Variants in KIF1A observed in about 807,000 individuals in gnomAD.
The protein encoded by KIF1A is kinesin family member 1A, also known as kinesin-like protein KIF1A.
A neutral mutation model predicts 227.3 loss-of-function variants in KIF1A; 46 were observed. The ratio of observed to expected loss-of-function variants is 0.20; its 90% confidence interval spans 0.16 to 0.26. KIF1A has a LOEUF of 0.26. Among genes scored for constraint, KIF1A ranks in the 10% least tolerant of loss-of-function variants. The pLI, the probability that KIF1A is intolerant of heterozygous loss-of-function variation, is 1.00. For missense variants in KIF1A, 1,683 were observed against 2,485.9 expected, an observed-to-expected ratio of 0.68 and a Z score of 6.87; for synonymous variants, 1,022 against 1,012.8, an observed-to-expected ratio of 1.01 and a Z score of -0.17.
chr2:240,729,610 G>A (rs1010725255), intron 38 of KIF1A, among the ~76,000 whole-genome samples: 2 of 152,376 alleles, frequency 1.3e-5, no homozygotes, highest in East Asian at 1.9e-4. Context: ...AGCCAGGCCT[G>A]GAGCTGTAAG....
At chr2:240,816,002 G>C (rs1034272993) in intron 1 of KIF1A, among the ~76,000 whole-genome samples, 2 of 152,178 alleles carry the variant, frequency 1.3e-5, no homozygotes, top group African/African-American at 4.8e-5. Flanking sequence ...TGGTTGTGGA[G>C]GGGGTGCCAA....
rs1476096785 is a variant in KIF1A at position 240,810,066 on chromosome 2, G to A, written c.-61+10056C>T. 2.6e-5 allele frequency among the ~76,000 whole-genome samples: 4 copies of A among 151,936 alleles called. No individual in the cohort carries two copies. The South Asian group carries it at 6.3e-4, about 24-fold the overall frequency. On this transcript the variant is annotated intron_variant, in intron 1 of 48. Transcript: ENST00000498729. ...TGGCCTCAAGTGATCCACCCACCTC[G>A]GCCTCCCAAAGCGCTGGAATTACAG...
chr2:240,722,782 A>G (rs2045560943), intron 42 of KIF1A, 126 bp from the exon 43 acceptor site: 1 of 710,432 alleles, frequency 1.4e-6, no homozygotes, highest in African/African-American at 1.8e-5. Context: ...CTGGGCTAAG[A>G]CTGAAGACTG....
intron 28 of KIF1A, chr2:240,748,548 G>C (rs1237518044): frequency 1.1e-5 from 2 of 180,008 alleles, no homozygotes; most frequent in East Asian, 1.9e-4. Context: ...GGAGCTGCTG[G>C]CACAAGGCAG....
intron 1 of KIF1A, among the ~76,000 whole-genome samples, chr2:240,809,275 A>G (rs2057677409): frequency 6.6e-6 from 1 of 152,210 alleles, no homozygotes; most frequent in Admixed American, 6.5e-5. Context: ...AACATCAATA[A>G]CAAGTCTGAA....
At chr2:240,773,495 G>A (rs534965065) in intron 12 of KIF1A, among the ~76,000 whole-genome samples, 3 of 152,306 alleles carry the variant, frequency 2.0e-5, no homozygotes, top group South Asian at 2.1e-4. Flanking sequence ...CCCAGTTCCC[G>A]CTCGCCCACT....
chr2:240,746,931 G>A (rs1209993959), intron 29 of KIF1A, among the ~76,000 whole-genome samples: 2 of 152,196 alleles, frequency 1.3e-5, no homozygotes, highest in African/African-American at 4.8e-5. Flanking sequence ...AGACAGGGTG[G>A]GGGTGGCTGC....
At chr2:240,811,540 CG>C (rs113374571) in intron 1 of KIF1A, among the ~76,000 whole-genome samples, 11,221 of 151,978 alleles carry the variant, frequency 0.074, 570 homozygotes, top group East Asian at 0.14. Flanking sequence ...CCTGAGAAGG[CG>C]GGGGGTTGCG....
chr2:240,731,523 C>T (rs1229592030), intron 38 of KIF1A, among the ~76,000 whole-genome samples: 2 of 152,226 alleles, frequency 1.3e-5, no homozygotes, highest in African/African-American at 4.8e-5. Flanking sequence ...CTCCCCACCA[C>T]CTCCACCAGA....
At chr2:240,772,201 G>C (rs1290679144) in intron 14 of KIF1A, among the ~76,000 whole-genome samples, 2 of 152,210 alleles carry the variant, frequency 1.3e-5, no homozygotes, top group Non-Finnish European at 2.9e-5. Context: ...CAGCCCTCCT[G>C]GCCCTTTGGT....
At chr2:240,750,033 G>C (rs988841272) in intron 28 of KIF1A, among the ~76,000 whole-genome samples, 1 of 152,266 alleles carries the variant, frequency 6.6e-6, no homozygotes, top group African/African-American at 2.4e-5. Context: ...AGCAGGCTGG[G>C]GGAGGGATCC....
At chr2:240,735,399 T>C (rs1009260708) in intron 38 of KIF1A, among the ~76,000 whole-genome samples, 2 of 113,812 alleles carry the variant, frequency 1.8e-5, no homozygotes, top group African/African-American at 5.6e-5. Flanking sequence ...AGCCGCTCCC[T>C]CCTACGTCAC....
chr2:240,801,230 C>A (rs1201945497), intron 1 of KIF1A, among the ~76,000 whole-genome samples: 1 of 150,742 alleles, frequency 6.6e-6, no homozygotes, highest in African/African-American at 2.4e-5. Flanking sequence ...ACAACCCTGA[C>A]AAATATATTC....
At chr2:240,779,601 G>C (rs138170570) in intron 10 of KIF1A, among the ~76,000 whole-genome samples, 2,261 of 142,504 alleles carry the variant, frequency 0.016, 65 homozygotes, top group African/African-American at 0.057. Context: ...TCCACACTCA[G>C]TTCCTCACAG....
At chr2:240,727,228 G>A (rs1232603634) in intron 38 of KIF1A, among the ~76,000 whole-genome samples, 1 of 152,214 alleles carries the variant, frequency 6.6e-6, no homozygotes, top group Admixed American at 6.5e-5. Flanking sequence ...AGGAGAGGAG[G>A]CGGCAGGGAA....
rs2045286506 is a variant in KIF1A, at chr2:240,720,926, G to A, written c.4856C>T (p.Ala1619Val). The A allele has an allele frequency of 6.3e-7, 1 of 1,575,270 alleles. No homozygotes were observed. The highest frequency in any genetic ancestry group is 8.6e-7 in the Non-Finnish European group (1 of 1,159,492). The change falls in exon 45 of 49, where the codon GCC (alanine) becomes GTC (valine). Residue 1619 changes from alanine (A) to valine (V), a missense_variant. By Grantham distance (64) the Ala-to-Val change is moderately conservative. Around this residue, in one of 12 missense-constraint regions of KIF1A, gnomAD observed 384 missense variants for 410.1 expected, o/e 0.94. Transcript: ENST00000498729. ...GGAGCTCACTCACCTCAGGTCAGTG[G>A]CACCGTACCGCCCTTCAACCAGAGA... Reference protein sequence around the residue: ...CPSLVEGRYGATDLRTPQPCS... With the variant: ...CPSLVEGRYGVTDLRTPQPCS...
At chr2:240,737,954 C>G (rs2047540673) in intron 37 of KIF1A, among the ~76,000 whole-genome samples, 1 of 152,208 alleles carries the variant, frequency 6.6e-6, no homozygotes, top group Non-Finnish European at 1.5e-5. Flanking sequence ...CTGGGCCTGC[C>G]CCATCCCATT....
intron 1 of KIF1A, among the ~76,000 whole-genome samples, chr2:240,817,850 G>A (rs1225690311): frequency 2.0e-5 from 3 of 152,202 alleles, no homozygotes; most frequent in Non-Finnish European, 4.4e-5. Context: ...GGCATGGTGG[G>A]CCCAAGGTCA....
chr2:240,815,333 G>T (rs1361473054), intron 1 of KIF1A, among the ~76,000 whole-genome samples: 2 of 152,196 alleles, frequency 1.3e-5, no homozygotes, highest in African/African-American at 2.4e-5. Context: ...TGGCAGGGCT[G>T]AGGTGGGGGC....
Sources: allele counts gnomAD v4.1 joint callset (sites outside exome capture counted in the v4.1 genomes callset), GRCh38; gene constraint gnomAD v4.1.1; regional missense constraint gnomAD v4.1.1; transcripts MANE v1.5; gene names NCBI Gene and HGNC (gene_info 2026-07-23, HGNC 2026-07-21).